PGGT1B: variants seen among roughly 807,000 people sequenced by gnomAD.
The protein encoded by PGGT1B is protein geranylgeranyltransferase type I subunit beta, also known as geranylgeranyl transferase type-1 subunit beta.
Under a neutral mutation model 46.1 loss-of-function variants are expected in PGGT1B, and 30 were observed. That is an observed-to-expected ratio of 0.65 (90% CI 0.49 to 0.88). The LOEUF (loss-of-function observed/expected upper bound fraction) is 0.88, where lower values mean the gene tolerates loss of function less well. Among genes scored for constraint, PGGT1B ranks in the 40% least tolerant of loss-of-function variants. PGGT1B has a pLI of 0.00. For missense variants in PGGT1B, 376 were observed against 455.9 expected, an observed-to-expected ratio of 0.82 and a Z score of 1.60; for synonymous variants, 170 against 160.0, an observed-to-expected ratio of 1.06 and a Z score of -0.47.
intron 2 of PGGT1B, 87 bp downstream of exon 2, chr5:115,253,050 T>C (rs943405768): frequency 1.2e-5 from 13 of 1,091,654 alleles, no homozygotes; most frequent in Non-Finnish European, 1.6e-5. Context: ...GTTAACAGTA[T>C]ACAAGTACTA....
At chr5:115,219,794 CCCAAGAAGATATACAAATGA>C (rs1756532055) in intron 7 of PGGT1B, among the ~76,000 whole-genome samples, 1 of 151,738 alleles carries the variant, frequency 6.6e-6, no homozygotes, top group Admixed American at 6.6e-5. Context: ...AGATATATCT[CCCAAGAAGATATACAAATGA>C]CCAATAAGTA....
intron 8 of PGGT1B, among the ~76,000 whole-genome samples, chr5:115,214,743 T>C (rs973845339): frequency 6.6e-6 from 1 of 152,194 alleles, no homozygotes; most frequent in Non-Finnish European, 1.5e-5. Context: ...TTGGAAACAC[T>C]GAATGTATTT....
chr5:115,249,422 C>G (rs1435053071), intron 2 of PGGT1B, among the ~76,000 whole-genome samples: 1 of 152,160 alleles, frequency 6.6e-6, no homozygotes, highest in African/African-American at 2.4e-5. Context: ...GTTCTCATCC[C>G]TGACGCGGGT....
chr5:115,248,637 A>G (rs2127024232), intron 2 of PGGT1B, among the ~76,000 whole-genome samples: 1 of 152,334 alleles, frequency 6.6e-6, no homozygotes, highest in Non-Finnish European at 1.5e-5. Context: ...AGTGGAGGCC[A>G]GGGTTAATTT....
intron 2 of PGGT1B, among the ~76,000 whole-genome samples, chr5:115,244,231 C>T (rs1386007814): frequency 6.6e-6 from 1 of 151,366 alleles, no homozygotes; most frequent in Admixed American, 6.6e-5. Flanking sequence ...TTTGGGAGGC[C>T]GAGACGGGCG....
At chr5:115,243,871 A>G (rs1453166945) in intron 2 of PGGT1B, among the ~76,000 whole-genome samples, 1 of 151,916 alleles carries the variant, frequency 6.6e-6, no homozygotes. Context: ...TATGGGCCCC[A>G]TATCTCAGAG....
chr5:115,245,219 T>C (rs989572698), intron 2 of PGGT1B, among the ~76,000 whole-genome samples: 10 of 152,012 alleles, frequency 6.6e-5, no homozygotes, highest in Non-Finnish European at 1.5e-4. Flanking sequence ...GGCAGACATA[T>C]AGTAGTGGCT....
chr5:115,247,471 A>C (rs1238960300), intron 2 of PGGT1B, among the ~76,000 whole-genome samples: 1 of 152,190 alleles, frequency 6.6e-6, no homozygotes, highest in Non-Finnish European at 1.5e-5. Flanking sequence ...TCATTTTAAA[A>C]GTTTTTGCCC....
chr5:115,229,468 A>C (rs145895361), intron 6 of PGGT1B, among the ~76,000 whole-genome samples: 4 of 152,294 alleles, frequency 2.6e-5, no homozygotes, highest in Admixed American at 6.5e-5. Flanking sequence ...TGATGATCCT[A>C]ATGGGTACAG....
Position 115,221,963 on chromosome 5 carries a change from T to C in PGGT1B, c.704A>G (p.Lys235Arg). 1.2e-6 allele frequency: 2 copies of C among 1,604,140 alleles called. No individual in the cohort carries two copies. The highest frequency in any genetic ancestry group is 1.7e-6 in the Non-Finnish European group (2 of 1,175,918). Residue 235 changes from lysine (K) to arginine (R), a missense_variant, in exon 7 of 9, where the codon AAA becomes AGA. By Grantham distance (26) the Lys-to-Arg change is conservative (BLOSUM62 2). Coordinates refer to ENST00000419445, the MANE Select transcript of PGGT1B (RefSeq NM_005023.4). ...TTTTTCTGAAAAAACTTCTTCTAGT[T>C]TACCCATCAGACATAGTGAGGCAAT... ...CGIASLCLMG[K>R]LEEVFSEKEL...
chr5:115,224,993 G>C (rs1399900902), intron 6 of PGGT1B, among the ~76,000 whole-genome samples: 2 of 151,976 alleles, frequency 1.3e-5, no homozygotes, highest in Non-Finnish European at 2.9e-5. Flanking sequence ...GGGCTGAATG[G>C]GGTTAGATCA....
rs1055728850 is a variant in PGGT1B at position 115,238,818 on chromosome 5, G to C, written c.328-809C>G. 3.3e-5 allele frequency among the ~76,000 whole-genome samples: 5 copies of C among 152,116 alleles called. No individual in the cohort carries two copies. In the East Asian group the frequency reaches 7.7e-4, roughly 23 times the overall value. On this transcript the variant is annotated intron_variant, in intron 3 of 8. Transcript: ENST00000419445. The stretch of plus-strand genomic sequence containing the variant: ...TATTGTGACGATTAAGTAAGTTACT[G>C]TCTAAAAAGCTGTTACTTATCTTAA...
chr5:115,227,988 G>T (rs1756845883), intron 6 of PGGT1B, among the ~76,000 whole-genome samples: 1 of 152,042 alleles, frequency 6.6e-6, no homozygotes, highest in Admixed American at 6.6e-5. Context: ...AACTGAAAAG[G>T]AGATTAAAAT....
rs563812687 is a variant in PGGT1B, at chr5:115,251,561, A to T, written c.259+1576T>A. On this transcript the variant is annotated intron_variant, in intron 2 of 8. Transcript: ENST00000419445. ...GAAGAAAAGACAGAAAGTAGGAAGC[A>T]TGGTGAGTAAGTGACCAATGGTCTG... 6.0e-4 allele frequency among the ~76,000 whole-genome samples: 91 copies of T among 152,252 alleles called. No homozygotes were observed. In the South Asian group the frequency reaches 7.5e-3, roughly 12 times the overall value.
At chr5:115,260,148 T>G (rs1326393255) in intron 1 of PGGT1B, among the ~76,000 whole-genome samples, 1 of 152,218 alleles carries the variant, frequency 6.6e-6, no homozygotes, top group Non-Finnish European at 1.5e-5. Flanking sequence ...ACACTCTTTA[T>G]TTTCATAAAG....
At chr5:115,229,690 A>G (rs1252473139) in intron 6 of PGGT1B, among the ~76,000 whole-genome samples, 2 of 152,146 alleles carry the variant, frequency 1.3e-5, no homozygotes, top group Non-Finnish European at 2.9e-5. Context: ...CTACAATAGT[A>G]AACACCAGAT....
chr5:115,241,940 AAAACAG>A (rs1483101003), intron 2 of PGGT1B, among the ~76,000 whole-genome samples: 2 of 152,330 alleles, frequency 1.3e-5, no homozygotes, highest in East Asian at 3.9e-4. Context: ...TACAGAACAG[AAAACAG>A]AAGCCCAGAG....
intron 2 of PGGT1B, among the ~76,000 whole-genome samples, chr5:115,248,701 A>T (rs190917520): frequency 9.2e-5 from 14 of 152,310 alleles, no homozygotes; most frequent in Non-Finnish European, 1.8e-4. Context: ...CTCCACTCAT[A>T]TACTTAAACA....
rs943376667 is a variant in PGGT1B at position 115,206,661 on chromosome 5, T to C, written c.*5741A>G. The C allele has an allele frequency of 6.6e-6, 1 of 151,824 alleles. No homozygotes were observed. The highest frequency in any genetic ancestry group is 1.5e-5 in the Non-Finnish European group (1 of 67,762). The allele number at this position is 151,824 out of a possible 1,614,324, so 9.4% of individuals were successfully genotyped here. A position where few individuals can be genotyped will look rare whatever the true frequency, so the allele number is the denominator to read the frequency against. The stretch of plus-strand genomic sequence containing the variant: ...ATTGAGTTACATAAATGTATCATAA[T>C]GTGTCTTATTTTTCACAATTACAAA... On this transcript the variant is annotated 3_prime_UTR_variant, in exon 9 of 9. Coordinates refer to ENST00000419445, the MANE Select transcript of PGGT1B (RefSeq NM_005023.4).
Sources: allele counts gnomAD v4.1 joint callset (sites outside exome capture counted in the v4.1 genomes callset), GRCh38; gene constraint gnomAD v4.1.1; transcripts MANE v1.5; gene names NCBI Gene and HGNC (gene_info 2026-07-23, HGNC 2026-07-21).